IGSF5: variants seen among roughly 807,000 people sequenced by gnomAD.
IGSF5 encodes the protein immunoglobulin superfamily 5 like.
Under a neutral mutation model 39.4 loss-of-function variants are expected in IGSF5, and 41 were observed. The ratio of observed to expected loss-of-function variants is 1.04; its 90% CI spans 0.81 to 1.35. The LOEUF (loss-of-function observed/expected upper bound fraction) is 1.35, where lower values mean the gene tolerates loss of function less well. Among genes scored for constraint, IGSF5 ranks in the 40% most tolerant of loss-of-function variants. IGSF5 has a pLI of 0.00. For missense variants in IGSF5, 487 were observed against 494.6 expected, an observed-to-expected ratio of 0.98 and a Z score of 0.15; for synonymous variants, 183 against 175.3, an observed-to-expected ratio of 1.04 and a Z score of -0.34.
the IGSF5 span, among the ~76,000 whole-genome samples, chr21:39,715,140 T>C: frequency 1.3e-5 from 2 of 152,052 alleles, no homozygotes; most frequent in Admixed American, 6.5e-5. Context: ...TCTTTTGATA[T>C]GAAGTCTCAC....
intron 2 of IGSF5, 26 bp downstream of exon 2, chr21:39,746,324 TAACA>T (rs2079974617): frequency 1.4e-6 from 1 of 700,482 alleles, no homozygotes; most frequent in Non-Finnish European, 2.6e-6. Context: ...GCTCGAGCCG[TAACA>T]AACACGGACC....
At position 39,788,844 on chromosome 21, in the gene IGSF5, T is replaced by G. The variant is rs528108619; in HGVS notation, c.956+656T>G. ...GAGGGTTTTTTAGACAGACGTTGTT[T>G]GTTGTGGGTAATATAACAACACATG... On this transcript the variant is annotated intron_variant, in intron 6 of 8. Transcript: ENST00000380588. Among the ~76,000 whole-genome samples, 4 of 152,342 alleles carry G rather than the reference T, an allele frequency of 2.6e-5. No individual in the cohort carries two copies. The South Asian group carries it at 8.3e-4, about 32-fold the overall frequency.
chr21:39,719,492 A>G, the IGSF5 span, among the ~76,000 whole-genome samples: 74,552 of 151,960 alleles, frequency 0.49, 19,083 homozygotes, highest in African/African-American at 0.63. Context: ...CTTCCTCTGG[A>G]TCAGGTCAGG....
chr21:39,721,705 TCC>T, the IGSF5 span, among the ~76,000 whole-genome samples: 1 of 150,866 alleles, frequency 6.6e-6, no homozygotes, highest in Non-Finnish European at 1.5e-5. Flanking sequence ...CTTCCTTCCT[TCC>T]TTCCTTCCTT....
At chr21:39,746,914 A>G (rs431202) in intron 2 of IGSF5, among the ~76,000 whole-genome samples, 124,917 of 152,212 alleles carry the variant, frequency 0.82, 51,441 homozygotes, top group Admixed American at 0.86. Context: ...CCTTGGAGAA[A>G]TTCAGGCTGC....
chr21:39,800,339 C>G (rs75020557), intron 8 of IGSF5, among the ~76,000 whole-genome samples: 66 of 152,188 alleles, frequency 4.3e-4, no homozygotes, highest in Non-Finnish European at 6.8e-4. Flanking sequence ...TCAAGCCTTC[C>G]CCACAAATCA....
intron 3 of IGSF5, among the ~76,000 whole-genome samples, chr21:39,766,693 C>G (rs780111202): frequency 4.6e-5 from 7 of 152,070 alleles, no homozygotes; most frequent in Non-Finnish European, 1.0e-4. Context: ...TAAAAGGATG[C>G]TTTACAAAGA....
chr21:39,757,350 T>C (rs374751532), intron 2 of IGSF5, among the ~76,000 whole-genome samples: 48 of 97,104 alleles, frequency 4.9e-4, no homozygotes, highest in African/African-American at 1.7e-3. Flanking sequence ...ACGAATGTAA[T>C]AAGCCCATGA....
intron 4 of IGSF5, among the ~76,000 whole-genome samples, chr21:39,774,003 ATTC>A (rs2080127694): frequency 6.6e-6 from 1 of 152,202 alleles, no homozygotes; most frequent in Non-Finnish European, 1.5e-5. Context: ...AATTCACTGA[ATTC>A]TTCTTAGTCC....
intron 2 of IGSF5, among the ~76,000 whole-genome samples, chr21:39,762,735 C>T (rs1038329057): frequency 3.9e-5 from 6 of 152,116 alleles, no homozygotes; most frequent in Admixed American, 6.6e-5. Context: ...TGATGCTATG[C>T]CAGAGTCAGG....
the IGSF5 span, chr21:39,727,893 C>T: frequency 2.6e-5 from 4 of 152,312 alleles, no homozygotes; most frequent in Admixed American, 1.3e-4. Context: ...ACTTCAAGCA[C>T]GGGCTGCAAG....
chr21:39,769,636 G>C (rs530176860), intron 3 of IGSF5, among the ~76,000 whole-genome samples: 6 of 152,066 alleles, frequency 3.9e-5, no homozygotes, highest in Non-Finnish European at 7.3e-5. Flanking sequence ...TATTGCAACA[G>C]ACTGAATGAA....
the IGSF5 span, among the ~76,000 whole-genome samples, chr21:39,723,749 C>A: frequency 6.6e-6 from 1 of 152,264 alleles, no homozygotes. Context: ...ATCTTGAGTA[C>A]AAAGTTCACA....
chr21:39,763,874 C>A (rs1157818179), intron 2 of IGSF5, among the ~76,000 whole-genome samples: 4 of 152,186 alleles, frequency 2.6e-5, no homozygotes, highest in African/African-American at 9.7e-5. Context: ...TTTCAAATTC[C>A]ATTTCTCACG....
chr21:39,783,431 T>C (rs375712073), intron 5 of IGSF5, among the ~76,000 whole-genome samples: 31 of 152,330 alleles, frequency 2.0e-4, no homozygotes, highest in African/African-American at 7.5e-4. Flanking sequence ...TGATATCTCA[T>C]TGTGGTTTTG....
intron 5 of IGSF5, among the ~76,000 whole-genome samples, chr21:39,781,633 A>G (rs1176535751): frequency 6.6e-6 from 1 of 152,212 alleles, no homozygotes; most frequent in Non-Finnish European, 1.5e-5. Context: ...CCTGGCCAAC[A>G]GGGTGTCATC....
intron 7 of IGSF5, 134 bp from the exon 8 acceptor site, chr21:39,793,400 A>G: frequency 1.7e-6 from 1 of 598,416 alleles, no homozygotes; most frequent in Admixed American, 3.2e-5. Context: ...GAATTTAAAA[A>G]AAGTGTTCAT....
intron 2 of IGSF5, chr21:39,751,490 A>G (rs557451990): frequency 6.6e-6 from 1 of 152,348 alleles, no homozygotes; most frequent in East Asian, 1.9e-4. Context: ...CCACAGAGTT[A>G]AAAACTACAA....
chr21:39,733,351 G>T, the IGSF5 span, among the ~76,000 whole-genome samples: 1 of 151,860 alleles, frequency 6.6e-6, no homozygotes, highest in Non-Finnish European at 1.5e-5. Flanking sequence ...AAATTAAAAA[G>T]GATATAAAAT....
Sources: allele counts gnomAD v4.1 joint callset (sites outside exome capture counted in the v4.1 genomes callset), GRCh38; gene constraint gnomAD v4.1.1; transcripts MANE v1.5; gene names NCBI Gene and HGNC (gene_info 2026-07-23, HGNC 2026-07-21).